The following PCDHA2 variants were observed in gnomAD, a reference collection of about 807,000 sequenced individuals.
PCDHA2 encodes the protein protocadherin alpha 2, also known as protocadherin alpha-2.
PCDHA2 carries 58 observed loss-of-function variants against 66.0 expected under a neutral mutation model. The observed-to-expected ratio is 0.88, with a 90% CI of 0.71 to 1.09. The LOEUF (loss-of-function observed/expected upper bound fraction) is 1.09. Among genes scored for constraint, PCDHA2 ranks in the 50% least tolerant of loss-of-function variants. PCDHA2 has a pLI of 0.00. For missense variants in PCDHA2, 1,267 were observed against 1,242.3 expected, an observed-to-expected ratio of 1.02 and a Z score of -0.30; for synonymous variants, 634 against 554.0, an observed-to-expected ratio of 1.14 and a Z score of -2.03.
At chr5:140,944,335 G>A (rs1196825895) in intron 1 of PCDHA2, among the ~76,000 whole-genome samples, 1 of 151,986 alleles carries the variant, frequency 6.6e-6, no homozygotes, top group African/African-American at 2.4e-5. Context: ...TTACAAGCAC[G>A]TGCCACCACA....
chr5:140,844,983 A>G (rs1554140802), intron 1 of PCDHA2, among the ~76,000 whole-genome samples: 1 of 149,210 alleles, frequency 6.7e-6, no homozygotes, highest in Admixed American at 6.7e-5. Flanking sequence ...ATTGTTTTAA[A>G]TCTTTTAATC....
At chr5:140,821,842 T>C (rs2150111141) in intron 1 of PCDHA2, 2 of 1,614,060 alleles carry the variant, frequency 1.2e-6, no homozygotes, top group African/African-American at 1.3e-5. Context: ...CCTTGCCTAC[T>C]GGAAGGCAGG....
chr5:140,857,035 G>A (rs1358871197), intron 1 of PCDHA2: 4 of 1,596,218 alleles, frequency 2.5e-6, no homozygotes, highest in Non-Finnish European at 3.4e-6. Context: ...ACCCACCTAT[G>A]GTTGGTCACT....
At chr5:140,924,725 C>T (rs1015635507) in intron 1 of PCDHA2, among the ~76,000 whole-genome samples, 71 of 151,698 alleles carry the variant, frequency 4.7e-4, no homozygotes, top group African/African-American at 1.6e-3. Flanking sequence ...CGAAACCTCA[C>T]CTCTAATAAA....
Position 140,807,735 on chromosome 5 carries a change from C to T in PCDHA2, c.2388+10383C>T, listed in dbSNP as rs781794809. 10 of 1,614,160 alleles carry T rather than the reference C, an allele frequency of 6.2e-6. No homozygotes were observed. In the East Asian group the frequency reaches 2.0e-4, roughly 32 times the overall value. On this transcript the variant is annotated intron_variant, in intron 1 of 3. Transcript: ENST00000526136. ...AATGAATACTTTTCTCTGGAAAAAC[C>T]ACCTGATGACGAGCTGGTAAAAGGT...
intron 1 of PCDHA2, among the ~76,000 whole-genome samples, chr5:140,826,973 A>G (rs1483658435): frequency 1.3e-5 from 2 of 152,200 alleles, no homozygotes; most frequent in South Asian, 2.1e-4. Context: ...GGAGTAATTT[A>G]AAAAGTAATA....
intron 1 of PCDHA2, chr5:140,852,607 C>A: frequency 1.1e-6 from 1 of 915,386 alleles, no homozygotes; most frequent in Non-Finnish European, 1.3e-6. Context: ...CATTTTCTTT[C>A]AAAACTTGAG....
intron 1 of PCDHA2, chr5:140,876,798 C>T: frequency 6.2e-7 from 1 of 1,614,180 alleles, no homozygotes; most frequent in Non-Finnish European, 8.5e-7. Context: ...CTAGAGTGTC[C>T]GTGGAGGTGG....
chr5:141,009,710 C>A lies in PCDHA2; in HGVS notation c.2620C>A (p.Pro874Thr), dbSNP rs2098413865. 1 of 1,613,980 alleles carries A rather than the reference C, an allele frequency of 6.2e-7. No individual in the cohort carries two copies. Among genetic ancestry groups the A allele is most frequent in the African/African-American group, 1.3e-5 (1 of 74,884 alleles). Residue 874 changes from proline (P) to threonine (T), a missense_variant, in exon 4 of 4, where the codon CCC becomes ACC. Pro to Thr is a conservative substitution (Grantham distance 38). Transcript: ENST00000526136. ...GACCTTTAAATACGGACCAGGCAAC[C>A]CCAAACAATCCGGTCCCGGTGAGTT... ...SWTFKYGPGN[P>T]KQSGPGELPD...
rs1554119699 is a variant in PCDHA2, at chr5:140,796,099, T to C, written c.1135T>C (p.Ser379Pro). 1 of 1,614,238 alleles carries C rather than the reference T, an allele frequency of 6.2e-7. No homozygotes were observed. The highest frequency in any genetic ancestry group is 2.2e-5 in the East Asian group (1 of 44,888). Residue 379 changes from serine to proline, a missense_variant, in exon 1 of 4, where the codon TCT (serine) becomes CCT (proline). Coordinates refer to ENST00000526136, the MANE Select transcript of PCDHA2 (RefSeq NM_018905.3). ...IALITVSDRD[S>P]GTNGHVTCSL... is the part of the protein sequence containing the mutation. ...TCTCATCACGGTGTCGGATCGCGAC[T>C]CTGGTACGAATGGACATGTCACCTG... is the stretch of plus-strand genomic sequence containing the variant.
At chr5:140,994,717 A>G (rs1350882833) in intron 3 of PCDHA2, among the ~76,000 whole-genome samples, 4 of 152,164 alleles carry the variant, frequency 2.6e-5, no homozygotes, top group African/African-American at 9.6e-5. Context: ...AAAAAAATTT[A>G]AAATACTGGG....
chr5:140,869,430 C>T (rs73793507), intron 1 of PCDHA2: 3 of 1,614,154 alleles, frequency 1.9e-6, no homozygotes, highest in South Asian at 2.2e-5. Context: ...TGGAGGTGAT[C>T]GTGGACAGGC....
intron 3 of PCDHA2, 123 bp downstream of exon 3, chr5:140,982,686 C>T: frequency 2.8e-6 from 4 of 1,418,870 alleles, no homozygotes; most frequent in Non-Finnish European, 3.7e-6. Context: ...TCCCTTTTTT[C>T]CATACATACA....
At chr5:140,868,379 T>A (rs1554161939) in intron 1 of PCDHA2, 7 of 152,204 alleles carry the variant, frequency 4.6e-5, no homozygotes, top group African/African-American at 2.4e-5. Flanking sequence ...CAGTAAAGAA[T>A]GAGAACTATA....
At position 140,870,217 on chromosome 5, in the gene PCDHA2, A is replaced by G. The variant is rs911086777; in HGVS notation, c.2388+72865A>G. On this transcript the variant is annotated intron_variant, in intron 1 of 3. Coordinates refer to ENST00000526136, the MANE Select transcript of PCDHA2 (RefSeq NM_018905.3). ...GCCCAGCACGGTCATTGCCCTGATC[A>G]GCGTGTCTGACCGTGACTCAGGTGT... The G allele has an allele frequency of 5.6e-6, 9 of 1,614,144 alleles. No individual in the cohort carries two copies. The highest frequency in any genetic ancestry group is 3.3e-5 in the Admixed American group (2 of 60,034).
intron 1 of PCDHA2, chr5:140,830,909 C>T (rs1213244492): frequency 6.6e-6 from 1 of 152,304 alleles, no homozygotes; most frequent in African/African-American, 2.4e-5. Flanking sequence ...TTTACACTTT[C>T]CATTTCAATG....
chr5:140,900,768 T>A (rs1554189412), intron 1 of PCDHA2, among the ~76,000 whole-genome samples: 2 of 152,192 alleles, frequency 1.3e-5, no homozygotes, highest in Non-Finnish European at 1.5e-5. Context: ...TATTTTTGGC[T>A]TTTTGAGGAA....
chr5:140,827,091 A>G (rs568618224), intron 1 of PCDHA2, among the ~76,000 whole-genome samples: 1 of 152,214 alleles, frequency 6.6e-6, no homozygotes, highest in Non-Finnish European at 1.5e-5. Flanking sequence ...ACTATTTTCT[A>G]GGAGTCAGCA....
intron 1 of PCDHA2, among the ~76,000 whole-genome samples, chr5:140,961,425 T>G (rs2095610907): frequency 6.6e-6 from 1 of 152,226 alleles, no homozygotes; most frequent in Admixed American, 6.5e-5. Context: ...TTTAAACAAT[T>G]ACAAAATCAC....
Sources: gnomAD v4.1 joint callset for allele counts (sites outside exome capture counted in the v4.1 genomes callset) on GRCh38, gnomAD v4.1.1 for gene constraint, MANE v1.5 for transcripts, NCBI Gene and HGNC (gene_info 2026-07-23, HGNC 2026-07-21) for gene names.